The following RASAL2 variants were observed in gnomAD, a reference collection of about 807,000 sequenced individuals.
RASAL2 encodes the protein ras GTPase-activating protein nGAP.
RASAL2 carries 58 observed loss-of-function variants against 128.9 expected under a neutral mutation model. That is an observed-to-expected ratio of 0.45 (90% CI 0.36 to 0.56). The LOEUF (loss-of-function observed/expected upper bound fraction) is 0.56. Ranked by LOEUF, RASAL2 falls within the 20% of genes least tolerant of loss-of-function variation. RASAL2 has a pLI of 0.00. For synonymous variants in RASAL2, 561 were observed against 580.8 expected, an observed-to-expected ratio of 0.97 and a Z score of 0.49; for missense variants, 1,360 against 1,601.6, an observed-to-expected ratio of 0.85 and a Z score of 2.57.
chr1:178,198,062 G>T (rs1662734780), intron 1 of RASAL2, among the ~76,000 whole-genome samples: 1 of 152,154 alleles, frequency 6.6e-6, no homozygotes, highest in Non-Finnish European at 1.5e-5. Flanking sequence ...GTATTCCATG[G>T]TGTATATGTG....
At chr1:178,113,799 A>G (rs1274098898) in intron 1 of RASAL2, among the ~76,000 whole-genome samples, 1 of 152,172 alleles carries the variant, frequency 6.6e-6, no homozygotes, top group Non-Finnish European at 1.5e-5. Flanking sequence ...AACAATATTA[A>G]GTCTTTCAAT....
Position 178,173,271 on chromosome 1 carries a change from T to C in RASAL2, c.202+78577T>C, listed in dbSNP as rs140539281. 6.3e-4 allele frequency among the ~76,000 whole-genome samples: 96 copies of C among 152,222 alleles called. 1 individual carries two copies. The East Asian group carries it at 8.3e-3, about 13-fold the overall frequency. On this transcript the variant is annotated intron_variant, in intron 1 of 17. Coordinates refer to ENST00000367649, the MANE Select transcript of RASAL2 (RefSeq NM_170692.4). ...ACCACTGCCCTGGAGGAATGATCAA[T>C]GGGAAAATAGTTTTAACAGTCCAGT...
chr1:178,308,110 TA>T (rs1668078282), intron 3 of RASAL2, among the ~76,000 whole-genome samples: 2 of 152,126 alleles, frequency 1.3e-5, no homozygotes, highest in South Asian at 4.1e-4. Flanking sequence ...TGGATTTTTA[TA>T]AAAACTGTGC....
chr1:178,206,494 G>A (rs1663051413), intron 1 of RASAL2, among the ~76,000 whole-genome samples: 1 of 152,164 alleles, frequency 6.6e-6, no homozygotes, highest in African/African-American at 2.4e-5. Context: ...TGAGGAAGAA[G>A]GTTAAGTGAC....
intron 1 of RASAL2, among the ~76,000 whole-genome samples, chr1:178,202,887 G>C (rs749140769): frequency 1.3e-5 from 2 of 152,210 alleles, no homozygotes; most frequent in Non-Finnish European, 2.9e-5. Context: ...TGGTGGCAGG[G>C]GTGGAGGTTA....
chr1:178,415,053 TTTA>T (rs1674665828), intron 4 of RASAL2, among the ~76,000 whole-genome samples: 1 of 152,154 alleles, frequency 6.6e-6, no homozygotes, highest in Admixed American at 6.5e-5. Context: ...TATCTATTGA[TTTA>T]TTGTTTTCAA....
intron 3 of RASAL2, among the ~76,000 whole-genome samples, chr1:178,341,134 A>C (rs1669855030): frequency 6.6e-6 from 1 of 152,230 alleles, no homozygotes; most frequent in Non-Finnish European, 1.5e-5. Context: ...TAAATTCAAC[A>C]TAATAAAACA....
intron 1 of RASAL2, among the ~76,000 whole-genome samples, chr1:178,128,760 C>T (rs1006344502): frequency 1.3e-5 from 2 of 152,124 alleles, no homozygotes; most frequent in African/African-American, 4.8e-5. Context: ...CATTTCTGGA[C>T]ATTTCAATAC....
At chr1:178,194,941 C>T (rs762142382) in intron 1 of RASAL2, among the ~76,000 whole-genome samples, 1 of 152,162 alleles carries the variant, frequency 6.6e-6, no homozygotes, top group Non-Finnish European at 1.5e-5. Context: ...GTATAAGGAT[C>T]CAGTAAGAGA....
At chr1:178,354,731 C>A (rs1457041321) in intron 3 of RASAL2, among the ~76,000 whole-genome samples, 1 of 152,000 alleles carries the variant, frequency 6.6e-6, no homozygotes, top group African/African-American at 2.4e-5. Flanking sequence ...AATGTAATAA[C>A]CTAGGAGTAA....
intron 1 of RASAL2, among the ~76,000 whole-genome samples, chr1:178,219,166 T>C (rs1306266987): frequency 1.3e-5 from 2 of 152,240 alleles, no homozygotes; most frequent in Non-Finnish European, 2.9e-5. Flanking sequence ...TTCAAACTTT[T>C]CTTCTGTAGC....
At chr1:178,217,900 G>A (rs551353414) in intron 1 of RASAL2, among the ~76,000 whole-genome samples, 1 of 151,828 alleles carries the variant, frequency 6.6e-6, no homozygotes, top group Non-Finnish European at 1.5e-5. Context: ...TGATAGCATT[G>A]TACCCACAGA....
intron 1 of RASAL2, among the ~76,000 whole-genome samples, chr1:178,210,840 C>G (rs1256725178): frequency 6.6e-6 from 1 of 152,122 alleles, no homozygotes; most frequent in Non-Finnish European, 1.5e-5. Context: ...GTCCAAACAC[C>G]AAGGGCTCTA....
chr1:178,290,803 G>A (rs150690381), intron 2 of RASAL2, among the ~76,000 whole-genome samples: 85 of 152,054 alleles, frequency 5.6e-4, no homozygotes, highest in African/African-American at 1.6e-3. Flanking sequence ...AGCCTCCCAA[G>A]TAGCTGGGAC....
rs376137039 is a variant in RASAL2, at chr1:178,404,161, G to T, written c.564+13955G>T. On this transcript the variant is annotated intron_variant, in intron 4 of 17. Coordinates refer to ENST00000367649, the MANE Select transcript of RASAL2 (RefSeq NM_170692.4). ...GAATTGCTTGAACCCGGGAGGCAGA[G>T]GTTGCAGTGAGCCGAGATCACGCCA... 1.8e-4 allele frequency among the ~76,000 whole-genome samples: 27 copies of T among 150,768 alleles called. No individual in the cohort carries two copies. The East Asian group carries it at 5.4e-3, about 30-fold the overall frequency.
At position 178,475,530 on chromosome 1, in the gene RASAL2, A is replaced by G. The variant is rs562015177; in HGVS notation, c.*2291A>G. 6.6e-6 allele frequency: 1 copy of G among 152,348 alleles called. No homozygotes were observed. The highest frequency in any genetic ancestry group is 1.9e-4 in the East Asian group (1 of 5,192). The allele number at this position is 152,348 out of a possible 1,614,324, so 9.4% of individuals were successfully genotyped here. On this transcript the variant is annotated 3_prime_UTR_variant, in exon 18 of 18. Coordinates refer to ENST00000367649, the MANE Select transcript of RASAL2 (RefSeq NM_170692.4). ...CAGAAAACCTGGTAAGAGAATTGTC[A>G]GTTTCATTGGCCATAAGTATGTAAT...
intron 1 of RASAL2, among the ~76,000 whole-genome samples, chr1:178,255,224 A>G (rs1665273982): frequency 6.6e-6 from 1 of 152,188 alleles, no homozygotes; most frequent in South Asian, 2.1e-4. Context: ...GCTGAAAGCA[A>G]GTAACTCCAG....
chr1:178,454,833 A>G (rs1677649917), intron 12 of RASAL2, among the ~76,000 whole-genome samples, 185 bp downstream of exon 12: 2 of 152,300 alleles, frequency 1.3e-5, no homozygotes, highest in African/African-American at 4.8e-5. Context: ...CTAGAAAACC[A>G]TGACATTATT....
chr1:178,373,647 T>C (rs1671842350), intron 3 of RASAL2, among the ~76,000 whole-genome samples: 1 of 152,092 alleles, frequency 6.6e-6, no homozygotes, highest in Admixed American at 6.6e-5. Context: ...ATTCTAATTA[T>C]CTAGCCTAAA....
Sources: allele counts gnomAD v4.1 joint callset (sites outside exome capture counted in the v4.1 genomes callset), GRCh38; gene constraint gnomAD v4.1.1; transcripts MANE v1.5; gene names NCBI Gene and HGNC (gene_info 2026-07-23, HGNC 2026-07-21).